Variants in SLC43A2 observed in about 807,000 individuals in gnomAD.
The protein encoded by SLC43A2 is solute carrier family 43 member 2.
A neutral mutation model predicts 63.2 loss-of-function variants in SLC43A2; 38 were observed. The observed-to-expected ratio is 0.60, with a 90% CI of 0.46 to 0.79. The LOEUF is 0.79. Among genes scored for constraint, SLC43A2 ranks in the 30% least tolerant of loss-of-function variants. SLC43A2 has a pLI of 0.00. For missense variants in SLC43A2, 644 were observed against 756.2 expected, an observed-to-expected ratio of 0.85 and a Z score of 1.74; for synonymous variants, 322 against 331.0, an observed-to-expected ratio of 0.97 and a Z score of 0.30.
Position 1,584,000 on chromosome 17 carries a change from A to C in SLC43A2, c.1218-664T>G, listed in dbSNP as rs1390479339. Among the ~76,000 whole-genome samples the C allele has an allele frequency of 6.6e-6, 1 of 151,484 alleles. No individual in the cohort carries two copies. Among genetic ancestry groups the C allele is most frequent in the African/African-American group, 2.4e-5 (1 of 41,182 alleles). On this transcript the variant is annotated intron_variant, in intron 10 of 13. Coordinates refer to ENST00000301335, the MANE Select transcript of SLC43A2 (RefSeq NM_152346.3). This position sits in a 1 kb window ranked among gnomAD's most constrained non-coding sequence, Gnocchi z 5.5. Reference sequence around the variant, plus strand: ...CACCTCTGCCTCCTGGGTTCAAGCGATTCTCCTGCCTCAGCCTCCCGAGTA... The same window carrying C: ...CACCTCTGCCTCCTGGGTTCAAGCGCTTCTCCTGCCTCAGCCTCCCGAGTA...
chr17:1,594,740 A>T (rs1378638442), intron 5 of SLC43A2, among the ~76,000 whole-genome samples: 2 of 151,106 alleles, frequency 1.3e-5, no homozygotes, highest in Admixed American at 1.3e-4. Flanking sequence ...GGCGCCCGCC[A>T]CCACACCCGG....
chr17:1,621,952 G>C (rs980344191), intron 2 of SLC43A2, among the ~76,000 whole-genome samples: 3 of 152,248 alleles, frequency 2.0e-5, no homozygotes, highest in African/African-American at 7.2e-5. Flanking sequence ...ATATCGCTTG[G>C]TGGGAATGGG....
chr17:1,585,921 G>A lies in SLC43A2; in HGVS notation c.1209C>T (p.Asp403=), dbSNP rs190576499. The change falls in exon 10 of 14, where the codon GAC becomes GAT. Residue 403 remains aspartate (D), a synonymous_variant. Transcript: ENST00000301335. ...EDASEEPEEK[D]ANQGEKKKKK... Reference sequence around the variant, plus strand: ...CGGCCCTGCCTACGCACTGGTTGGCGTCTTTCTCCTCGGGCTCCTCGGAGG... The same window carrying A: ...CGGCCCTGCCTACGCACTGGTTGGCATCTTTCTCCTCGGGCTCCTCGGAGG... The A allele has an allele frequency of 1.6e-4, 256 of 1,613,758 alleles. 1 individual carries two copies. In the East Asian group the frequency reaches 4.7e-3, roughly 30 times the overall value.
chr17:1,588,861 C>T (rs1307194853), intron 9 of SLC43A2, among the ~76,000 whole-genome samples: 3 of 152,224 alleles, frequency 2.0e-5, no homozygotes, highest in Non-Finnish European at 4.4e-5. Flanking sequence ...CCATTCGGAA[C>T]CAGCACCCGG....
intron 9 of SLC43A2, 33 bp downstream of exon 9, chr17:1,590,769 G>A (rs1904682837): frequency 2.6e-6 from 4 of 1,549,450 alleles, no homozygotes; most frequent in Middle Eastern, 4.2e-4. Context: ...AGGCCGGGGA[G>A]TGACAGCGAC....
chr17:1,614,191 T>C (rs1433867807), intron 4 of SLC43A2, among the ~76,000 whole-genome samples: 2 of 151,980 alleles, frequency 1.3e-5, no homozygotes, highest in African/African-American at 2.4e-5. Context: ...TGCAGTGAGC[T>C]GAGATTGCGC....
Position 1,593,135 on chromosome 17 carries a change from G to T in SLC43A2, c.594+52C>A. On this transcript the variant is annotated intron_variant, in intron 6 of 13. Transcript: ENST00000301335. This position sits in a 1 kb window ranked among gnomAD's most constrained non-coding sequence, Gnocchi z 5.3. ...CCTCCCTCTTCAGAGAGGGTGGAAG[G>T]AGCCTGGAGCAGGCCTCTGCACAGA... is the stretch of plus-strand genomic sequence containing the variant. 6.4e-7 allele frequency: 1 copy of T among 1,556,576 alleles called. No homozygotes were observed.
At chr17:1,591,739 G>GCGGGGGCC in intron 6 of SLC43A2, 40 bp from the exon 7 acceptor site, 1 of 512,308 alleles carries the variant, frequency 2.0e-6, no homozygotes, top group Non-Finnish European at 3.9e-6. Flanking sequence ...GGGGGAGGGG[G>GCGGGGGCC]CAGAGTTAGC....
chr17:1,629,751 C>G (rs866186530), upstream of SLC43A2, among the ~76,000 whole-genome samples: 1 of 152,214 alleles, frequency 6.6e-6, no homozygotes, highest in Admixed American at 6.5e-5. Context: ...GGCGATGCTA[C>G]GGGCCACGTC....
rs2075890307 is a variant in SLC43A2, at chr17:1,574,444, T to C, written c.*1160A>G. ...GATTTATTGCTTTATAAAAAAGAAG[T>C]CTAATAAAACTGAAGAGAAAATAAC... On this transcript the variant is annotated 3_prime_UTR_variant, in exon 14 of 14. Transcript: ENST00000301335. The C allele has an allele frequency of 6.6e-6, 1 of 152,526 alleles. No individual in the cohort carries two copies. The highest frequency in any genetic ancestry group is 2.4e-5 in the African/African-American group (1 of 41,400). The allele number at this position is 152,526 out of a possible 1,614,324, so 9.4% of individuals were successfully genotyped here. A position where few individuals can be genotyped will look rare whatever the true frequency, so the allele number is the denominator to read the frequency against.
rs1300850886 is a variant in SLC43A2, at chr17:1,573,258, C to G, written c.*2346G>C. On this transcript the variant is annotated 3_prime_UTR_variant, in exon 14 of 14. Coordinates refer to ENST00000301335, the MANE Select transcript of SLC43A2 (RefSeq NM_152346.3). ...AGTTAGGGTTTCTCCGAATCTGCAA[C>G]TCCTGTGTGATGGCGGGTCTCAAAT... 6.6e-6 allele frequency: 1 copy of G among 151,076 alleles called. No homozygotes were observed. The highest frequency in any genetic ancestry group is 1.9e-4 in the East Asian group (1 of 5,144). The allele number at this position is 151,076 out of a possible 1,614,324, so 9.4% of individuals were successfully genotyped here.
chr17:1,607,860 C>T (rs565891973), intron 5 of SLC43A2, among the ~76,000 whole-genome samples: 3 of 152,156 alleles, frequency 2.0e-5, no homozygotes, highest in Non-Finnish European at 4.4e-5. Context: ...GGACTACAGG[C>T]GCCCACCACC....
chr17:1,591,739 G>GCGGGGC, intron 6 of SLC43A2, 40 bp from the exon 7 acceptor site: 1 of 512,296 alleles, frequency 2.0e-6, no homozygotes, highest in Admixed American at 2.3e-5. Flanking sequence ...GGGGGAGGGG[G>GCGGGGC]CAGAGTTAGC....
intron 10 of SLC43A2, 101 bp downstream of exon 10, chr17:1,585,812 C>T: frequency 6.2e-7 from 1 of 1,604,348 alleles, no homozygotes; most frequent in Non-Finnish European, 8.5e-7. Context: ...GTGCATTGCT[C>T]TCTCCCTCTG....
At chr17:1,591,508 G>T (rs1285165024) in intron 7 of SLC43A2, 37 bp from the exon 8 acceptor site, 1 of 1,611,530 alleles carries the variant, frequency 6.2e-7, no homozygotes, top group Non-Finnish European at 8.5e-7. Context: ...GTGCTGCCCG[G>T]GACCCCGGCT....
At chr17:1,615,675 C>G (rs562327930) in intron 3 of SLC43A2, among the ~76,000 whole-genome samples, 3 of 149,592 alleles carry the variant, frequency 2.0e-5, no homozygotes, top group Non-Finnish European at 4.5e-5. Context: ...AACCCCGTCT[C>G]TACTAAAAAT....
rs1423975214 is a variant in SLC43A2 at position 1,571,112 on chromosome 17, G to T, written c.*4492C>A. On this transcript the variant is annotated 3_prime_UTR_variant, in exon 14 of 14. Coordinates refer to ENST00000301335, the MANE Select transcript of SLC43A2 (RefSeq NM_152346.3). The surrounding 1 kb of genome is among the most constrained non-coding windows in gnomAD (Gnocchi z 5.2). ...GAGGCTTCCTGCTGGCAGGAAGAGGGCTGAGCTGCGGAAGGCCACCCAGGT... is the reference window on the plus strand; with the variant it reads ...GAGGCTTCCTGCTGGCAGGAAGAGGTCTGAGCTGCGGAAGGCCACCCAGGT... The T allele has an allele frequency of 6.6e-6, 1 of 152,150 alleles. No homozygotes were observed. The highest frequency in any genetic ancestry group is 2.4e-5 in the African/African-American group (1 of 41,182). The allele number at this position is 152,150 out of a possible 1,614,324, so 9.4% of individuals were successfully genotyped here.
At chr17:1,586,928 T>TCTCCC in intron 9 of SLC43A2, 2 of 1,232,916 alleles carry the variant, frequency 1.6e-6, no homozygotes, top group Admixed American at 2.2e-5. Flanking sequence ...TCCCTGACAA[T>TCTCCC]CCCCCCCACC....
rs1381966907 is a variant in SLC43A2 at position 1,616,632 on chromosome 17, T to C, written c.298A>G (p.Ser100Gly). ...ATACCCAGGGGCAGGGTGATGGCAC[T>C]GAGCAGAAAGGAGCCCACAGTGAAG... ...LAFTVGSFLLSAITLPLGIVM... is the reference protein window; with the variant it reads ...LAFTVGSFLLGAITLPLGIVM... The change falls in exon 3 of 14, where the codon AGT becomes GGT. Residue 100 changes from serine (S) to glycine (G), a missense_variant. By Grantham distance (56) the Ser-to-Gly change is moderately conservative. This residue lies in a region of SLC43A2 where 528 missense variants were observed against 623.6 expected (regional missense o/e 0.85). Transcript: ENST00000301335. The C allele has an allele frequency of 1.2e-6, 2 of 1,614,170 alleles. No homozygotes were observed. Among genetic ancestry groups the C allele is most frequent in the Admixed American group, 1.7e-5 (1 of 60,000 alleles).
Sources: gnomAD v4.1 joint callset for allele counts (sites outside exome capture counted in the v4.1 genomes callset) on GRCh38, gnomAD v4.1.1 for gene constraint, gnomAD v4.1.1 regional missense constraint, Gnocchi (gnomAD v3.1) non-coding constraint, MANE v1.5 for transcripts, NCBI Gene and HGNC (gene_info 2026-07-23, HGNC 2026-07-21) for gene names.